FAM241A: variants seen among roughly 807,000 people sequenced by gnomAD.
The protein encoded by FAM241A is uncharacterized protein FAM241A.
Under a neutral mutation model 12.2 loss-of-function variants are expected in FAM241A, and 7 were observed. The observed-to-expected ratio is 0.58, with a 90% confidence interval of 0.33 to 1.08. The LOEUF is 1.08. Ranked by LOEUF, FAM241A falls within the 50% of genes least tolerant of loss-of-function variation. The pLI, the probability that FAM241A is intolerant of heterozygous loss-of-function variation, is 0.04. For synonymous variants in FAM241A, 74 were observed against 68.2 expected, an observed-to-expected ratio of 1.08 and a Z score of -0.42; for missense variants, 161 against 169.7, an observed-to-expected ratio of 0.95 and a Z score of 0.29.
chr4:112,150,392 A>C (rs1173689362), intron 1 of FAM241A, among the ~76,000 whole-genome samples: 1 of 152,174 alleles, frequency 6.6e-6, no homozygotes, highest in Non-Finnish European at 1.5e-5. Flanking sequence ...GGTACTAATA[A>C]ATACTAGTAG....
In FAM241A at chr4:112,145,742, G is replaced by A; in HGVS notation, c.153+9G>A. The A allele has an allele frequency of 2.5e-6, 3 of 1,184,158 alleles. No individual in the cohort carries two copies. The highest frequency in any genetic ancestry group is 8.4e-5 in the South Asian group (2 of 23,952). 73.4% of individuals were successfully genotyped at this position (1,184,158 alleles called of 1,614,324 possible). On this transcript the variant is annotated intron_variant, in intron 1 of 1. Transcript: ENST00000309733. Reference sequence around the variant, plus strand: ...CGAAGGAGAGCGAGCAGGTGAGCGCGGGGAGGGGCGGCGGCGAAGCGGCCG... The same window carrying A: ...CGAAGGAGAGCGAGCAGGTGAGCGCAGGGAGGGGCGGCGGCGAAGCGGCCG...
chr4:112,177,441 G>A (rs1723845066), intron 1 of FAM241A, among the ~76,000 whole-genome samples: 1 of 152,128 alleles, frequency 6.6e-6, no homozygotes, highest in South Asian at 2.1e-4. Flanking sequence ...GTCCCCTGGA[G>A]TAAGAATAAC....
chr4:112,171,680 A>T (rs550972126), intron 1 of FAM241A, among the ~76,000 whole-genome samples: 2 of 152,322 alleles, frequency 1.3e-5, no homozygotes, highest in African/African-American at 4.8e-5. Flanking sequence ...TAACACGGTG[A>T]AACCTCGTCT....
rs1279348751 is a variant in FAM241A, at chr4:112,186,369, T to C, written c.154-324T>C. 3.3e-5 allele frequency among the ~76,000 whole-genome samples: 5 copies of C among 152,104 alleles called. No homozygotes were observed. In the South Asian group the frequency reaches 1.0e-3, roughly 32 times the overall value. ...TCTGAGGCTCGGTTTCTTAACGTCT[T>C]AGTGTCAAAGGAACCGTCTAAAAAG... is the stretch of plus-strand genomic sequence containing the variant. On this transcript the variant is annotated intron_variant, in intron 1 of 1. Coordinates refer to ENST00000309733, the MANE Select transcript of FAM241A (RefSeq NM_152400.3).
intron 1 of FAM241A, among the ~76,000 whole-genome samples, chr4:112,175,798 A>G (rs1246244511): frequency 6.6e-6 from 1 of 152,016 alleles, no homozygotes. Context: ...AAATGTTCTT[A>G]TTGGGCAGGC....
intron 1 of FAM241A, among the ~76,000 whole-genome samples, chr4:112,175,998 G>A (rs966788160): frequency 6.6e-6 from 1 of 152,170 alleles, no homozygotes; most frequent in African/African-American, 2.4e-5. Flanking sequence ...GACACAGGAA[G>A]ACAGTTATAA....
chr4:112,180,055 AC>A (rs1723903033), intron 1 of FAM241A, among the ~76,000 whole-genome samples: 1 of 151,438 alleles, frequency 6.6e-6, no homozygotes, highest in Non-Finnish European at 1.5e-5. Context: ...GTAGCAGTCA[AC>A]ATGAATACAG....
chr4:112,145,551 C>G lies in FAM241A; in HGVS notation c.-30C>G. ...GCGTCGCGGCGTGGTCCTCCGGCGG[C>G]TGTCCGGGGCGGTAGGAGTTGGCTG... On this transcript the variant is annotated 5_prime_UTR_variant, in exon 1 of 2. Transcript: ENST00000309733. The G allele has an allele frequency of 8.1e-7, 1 of 1,240,752 alleles. No individual in the cohort carries two copies. The highest frequency in any genetic ancestry group is 1.0e-6 in the Non-Finnish European group (1 of 990,624). The allele number at this position is 1,240,752 out of a possible 1,614,324, so 76.9% of individuals were successfully genotyped here. A position where few individuals can be genotyped will look rare whatever the true frequency, so the allele number is the denominator to read the frequency against.
At chr4:112,145,814 G>C in intron 1 of FAM241A, 81 bp downstream of exon 1, 1 of 888,358 alleles carries the variant, frequency 1.1e-6, no homozygotes, top group Non-Finnish European at 1.4e-6. Flanking sequence ...AAGGGGCCCG[G>C]CCCGCGGGCC....
intron 1 of FAM241A, among the ~76,000 whole-genome samples, chr4:112,166,046 A>ATTT (rs34666622): frequency 5.8e-5 from 8 of 137,622 alleles, no homozygotes; most frequent in South Asian, 2.3e-4. Flanking sequence ...TGTACTCAGA[A>ATTT]TTTTTTTTTT....
At chr4:112,176,582 A>G (rs77796777) in intron 1 of FAM241A, among the ~76,000 whole-genome samples, 4,504 of 152,232 alleles carry the variant, frequency 0.03, 182 homozygotes, top group East Asian at 0.16. Context: ...AAAGTAAGAG[A>G]CTGTGCTTTA....
In FAM241A at chr4:112,171,450, A is replaced by G. The variant is rs1373347955; in HGVS notation, c.154-15243A>G. 2.8e-5 allele frequency: 22 copies of G among 778,842 alleles called. No homozygotes were observed. In the East Asian group the frequency reaches 5.3e-4, roughly 19 times the overall value. 48.2% of individuals were successfully genotyped at this position (778,842 alleles called of 1,614,324 possible). ...GTGTTGAGCCAACTGCAGATCTAAG[A>G]GAATGCTGGCTATTAAAAGATGCAA... On this transcript the variant is annotated intron_variant, in intron 1 of 1. Transcript: ENST00000309733.
intron 1 of FAM241A, among the ~76,000 whole-genome samples, chr4:112,159,209 T>C (rs1456147317): frequency 6.6e-6 from 1 of 152,198 alleles, no homozygotes; most frequent in Admixed American, 6.5e-5. Flanking sequence ...TTTGACTCTT[T>C]AGTAGAGTAA....
intron 1 of FAM241A, among the ~76,000 whole-genome samples, chr4:112,180,429 C>T (rs774740027): frequency 6.6e-6 from 1 of 152,002 alleles, no homozygotes; most frequent in African/African-American, 2.4e-5. Context: ...AATTTTGTGT[C>T]CTCTTTATAC....
intron 1 of FAM241A, among the ~76,000 whole-genome samples, chr4:112,157,834 A>C (rs1182616131): frequency 6.6e-6 from 1 of 152,082 alleles, no homozygotes; most frequent in East Asian, 1.9e-4. Context: ...TTGCTTGTTC[A>C]TGTCATCCTA....
At position 112,187,429 on chromosome 4, in the gene FAM241A, C is replaced by T. The variant is rs148469467; in HGVS notation, c.*491C>T. On this transcript the variant is annotated 3_prime_UTR_variant, in exon 2 of 2. Coordinates refer to ENST00000309733, the MANE Select transcript of FAM241A (RefSeq NM_152400.3). ...TGGGAAATATTTGGATTTCAATTGT[C>T]CCTACCCAGCCTAAACTAAGGTAAA... is the stretch of plus-strand genomic sequence containing the variant. 6.1e-3 allele frequency: 938 copies of T among 153,518 alleles called. 6 individuals are homozygous for T. Among genetic ancestry groups the T allele is most frequent in the African/African-American group, 0.019 (797 of 41,550 alleles). The allele number at this position is 153,518 out of a possible 1,614,324, so 9.5% of individuals were successfully genotyped here.
intron 1 of FAM241A, among the ~76,000 whole-genome samples, chr4:112,152,673 C>T (rs72907755): frequency 0.092 from 14,025 of 152,132 alleles, 797 homozygotes; most frequent in African/African-American, 0.15. Flanking sequence ...GCATCTCAAC[C>T]ACTTTCTCTT....
Position 112,193,314 on chromosome 4 carries a change from G to A in FAM241A, c.*6376G>A, listed in dbSNP as rs1002232991. ...TTGTAAGTTGCCTGTTCACTCTGAT[G>A]GTAGTTTCTTTTGCTGTGCAGAAGC... On this transcript the variant is annotated 3_prime_UTR_variant, in exon 2 of 2. Coordinates refer to ENST00000309733, the MANE Select transcript of FAM241A (RefSeq NM_152400.3). The A allele has an allele frequency of 6.6e-6, 1 of 152,070 alleles. No individual in the cohort carries two copies. Among genetic ancestry groups the A allele is most frequent in the African/African-American group, 2.4e-5 (1 of 41,356 alleles). The allele number at this position is 152,070 out of a possible 1,614,324, so 9.4% of individuals were successfully genotyped here. A position where few individuals can be genotyped will look rare whatever the true frequency, so the allele number is the denominator to read the frequency against.
intron 1 of FAM241A, among the ~76,000 whole-genome samples, chr4:112,160,507 T>C (rs1578371827): frequency 1.3e-5 from 2 of 152,014 alleles, no homozygotes; most frequent in South Asian, 4.2e-4. Flanking sequence ...TTCAACGCAA[T>C]TTCTATCAAA....
Sources: gnomAD v4.1 joint callset for allele counts (sites outside exome capture counted in the v4.1 genomes callset) on GRCh38, gnomAD v4.1.1 for gene constraint, MANE v1.5 for transcripts, NCBI Gene and HGNC (gene_info 2026-07-23, HGNC 2026-07-21) for gene names.